Variants in NAPSA observed in about 807,000 individuals in gnomAD.
NAPSA encodes the protein napsin A aspartic peptidase, also known as napsin-A.
NAPSA carries 37 observed loss-of-function variants against 36.7 expected under a neutral mutation model. The observed-to-expected ratio is 1.01, with a 90% CI of 0.78 to 1.33. NAPSA has a LOEUF of 1.33. Ranked by LOEUF, NAPSA falls within the 40% of genes most tolerant of loss-of-function variation. The probability of loss-of-function intolerance (pLI) is 0.00; values close to 1 mark genes in which losing one functional copy is unlikely to be tolerated. For missense variants in NAPSA, 532 were observed against 543.8 expected (o/e 0.98, Z 0.21); for synonymous variants, 222 against 234.5 (o/e 0.95, Z 0.49).
At chr19:50,362,564 G>C in intron 1 of NAPSA, 1 of 344,026 alleles carries the variant, frequency 2.9e-6, no homozygotes, top group Non-Finnish European at 5.2e-6. Context: ...CTTAAAATAA[G>C]CTATTCCCAA....
chr19:50,361,526 G>A (rs765201676), intron 4 of NAPSA, 137 bp downstream of exon 4: 2 of 764,278 alleles, frequency 2.6e-6, no homozygotes, highest in Non-Finnish European at 4.5e-6. Flanking sequence ...ACTCTGAAAG[G>A]CAGGCCCTCC....
chr19:50,361,168 T>A, intron 4 of NAPSA, 28 bp from the exon 5 acceptor site: 6 of 1,594,956 alleles, frequency 3.8e-6, no homozygotes, highest in Non-Finnish European at 5.2e-6. Context: ...TGTGACCAGT[T>A]ACTTTTGGGA....
chr19:50,359,725 G>A lies in NAPSA; in HGVS notation c.791+15C>T. On this transcript the variant is annotated intron_variant, in intron 6 of 8. Coordinates refer to ENST00000253719, the MANE Select transcript of NAPSA (RefSeq NM_004851.3). ...CCAGCCTCCAGCTCCAGAGCCAGGA[G>A]ACCAAGTCCCTCACCGCTCCATGTG... The A allele has an allele frequency of 6.2e-7, 1 of 1,614,242 alleles. No homozygotes were observed. The highest frequency in any genetic ancestry group is 8.5e-7 in the Non-Finnish European group (1 of 1,180,050).
At chr19:50,362,114 A>C in intron 2 of NAPSA, 22 bp from the exon 3 acceptor site, 4 of 1,613,802 alleles carry the variant, frequency 2.5e-6, no homozygotes, top group Non-Finnish European at 3.4e-6. Context: ...AGAGGAGAGT[A>C]AACGAAGAGT....
rs536389281 is a variant in NAPSA, at chr19:50,359,588, G to T, written c.851C>A (p.Thr284Lys). 2.6e-5 allele frequency: 42 copies of T among 1,614,096 alleles called. No homozygotes were observed. Among genetic ancestry groups the T allele is most frequent in the African/African-American group, 1.3e-5 (1 of 74,938 alleles). Residue 284 changes from threonine (T) to lysine (K), a missense_variant, in exon 7 of 9, where the codon ACG (threonine) becomes AAG (lysine). Thr to Lys is a moderately conservative substitution (Grantham distance 78, BLOSUM62 -1). Coordinates refer to ENST00000253719, the MANE Select transcript of NAPSA (RefSeq NM_004851.3). ...CAKGCAAILD[T>K]GTSLITGPTE... Reference sequence around the variant, plus strand: ...GGGTCCTGTGATGAGGGACGTGCCCGTATCCAGGATGGCAGCACAGCCCTT... The same window carrying T: ...GGGTCCTGTGATGAGGGACGTGCCCTTATCCAGGATGGCAGCACAGCCCTT...
Position 50,358,989 on chromosome 19 carries a change from CGT to C in NAPSA, c.1035+20_1035+21del, listed in dbSNP as rs1461039519. On this transcript the variant is annotated intron_variant, in intron 8 of 8. Coordinates refer to ENST00000253719, the MANE Select transcript of NAPSA (RefSeq NM_004851.3). ...AAACCGTCATATGACGTCACTATGG[CGT>C]CATGGTGATGGCCACCTACCTGGAT... The C allele has an allele frequency of 1.3e-6, 2 of 1,589,900 alleles. No homozygotes were observed. The highest frequency in any genetic ancestry group is 1.7e-6 in the Non-Finnish European group (2 of 1,158,572).
In NAPSA at chr19:50,361,041, C is replaced by T. The variant is rs1198090350; in HGVS notation, c.568G>A (p.Gly190Ser). ...CCTTCCACAGACAGAATGGGAAAAC[C>T]GAGGCCCAATATCCCATCAAAATGG... ...FAHFDGILGL[G>S]FPILSVEGVR... Residue 190 changes from glycine to serine, a missense_variant, in exon 5 of 9, where the codon GGT (glycine) becomes AGT (serine). Gly to Ser is a moderately conservative substitution (Grantham distance 56, BLOSUM62 0). This residue lies in a region of NAPSA where 385 missense variants were observed against 371.5 expected (regional missense o/e 1.04). Coordinates refer to ENST00000253719, the MANE Select transcript of NAPSA (RefSeq NM_004851.3). 6.2e-6 allele frequency: 10 copies of T among 1,614,102 alleles called. No homozygotes were observed. Among genetic ancestry groups the T allele is most frequent in the East Asian group, 2.2e-5 (1 of 44,870 alleles).
Position 50,358,616 on chromosome 19 carries a change from G to A in NAPSA, c.1200C>T (p.Arg400=). 1.2e-6 allele frequency: 2 copies of A among 1,612,374 alleles called. No homozygotes were observed. The highest frequency in any genetic ancestry group is 1.1e-5 in the South Asian group (1 of 91,008). Residue 400 remains arginine (R), a synonymous_variant, in exon 9 of 9, where the codon CGC becomes CGT. Coordinates refer to ENST00000253719, the MANE Select transcript of NAPSA (RefSeq NM_004851.3). ...CGAGGTCCGCTCCGCGAGTGCGAGC[G>A]CGCGCCAGGCCCACCCGGGCGCTGC... The part of the protein sequence containing the change: ...MKSSARVGLA[R]ARTRGADLGW...
chr19:50,364,374 G>A (rs1601128321), intron 1 of NAPSA, among the ~76,000 whole-genome samples: 1 of 150,032 alleles, frequency 6.7e-6, no homozygotes, highest in East Asian at 2.0e-4. Context: ...CCAGCACTTT[G>A]CGAGGCTGAG....
Position 50,359,085 on chromosome 19 carries a change from G to A in NAPSA, c.961C>T (p.Pro321Ser), listed in dbSNP as rs2037436049. 1 of 1,613,948 alleles carries A rather than the reference G, an allele frequency of 6.2e-7. No homozygotes were observed. The highest frequency in any genetic ancestry group is 1.3e-5 in the African/African-American group (1 of 75,006). The change falls in exon 8 of 9, where the codon CCA (proline) becomes TCA (serine). Residue 321 changes from proline to serine, a missense_variant. Pro to Ser is a moderately conservative substitution (Grantham distance 74, BLOSUM62 -1). Transcript: ENST00000253719. ...AGGAAGGAGACTGCGGGGAGCTTTG[G>A]GATTTCCGAGCACAGGATGATGTAC... Reference protein sequence around the residue: ...GEYIILCSEIPKLPAVSFLLG... With the variant: ...GEYIILCSEISKLPAVSFLLG...
rs1216099965 is a variant in NAPSA, at chr19:50,358,516, C to T, written c.*37G>A. 4.0e-6 allele frequency: 6 copies of T among 1,513,900 alleles called. No individual in the cohort carries two copies. Among genetic ancestry groups the T allele is most frequent in the Non-Finnish European group, 4.4e-6 (5 of 1,125,972 alleles). The allele number at this position is 1,513,900 out of a possible 1,614,324, so 93.8% of individuals were successfully genotyped here. ...GGATTTTTACTGGGTAGCAGGACCTCCGCGACCACCCGCTGCGCATGCGCT... is the reference window on the plus strand; with the variant it reads ...GGATTTTTACTGGGTAGCAGGACCTTCGCGACCACCCGCTGCGCATGCGCT... On this transcript the variant is annotated 3_prime_UTR_variant, in exon 9 of 9. Coordinates refer to ENST00000253719, the MANE Select transcript of NAPSA (RefSeq NM_004851.3).
chr19:50,366,259 C>G (rs1289157936), upstream of NAPSA, among the ~76,000 whole-genome samples: 1 of 151,638 alleles, frequency 6.6e-6, no homozygotes, highest in Non-Finnish European at 1.5e-5. Flanking sequence ...CGCAACCACG[C>G]CCCACTAATT....
intron 5 of NAPSA, 116 bp from the exon 6 acceptor site, chr19:50,359,978 G>A: frequency 7.2e-7 from 1 of 1,387,662 alleles, no homozygotes. Context: ...AGTTCCTACG[G>A]GGTAATGGGA....
intron 2 of NAPSA, 25 bp downstream of exon 2, chr19:50,362,147 A>G (rs758945721): frequency 4.3e-6 from 7 of 1,612,864 alleles, no homozygotes; most frequent in Admixed American, 3.3e-5. Flanking sequence ...CGCAGGGGTG[A>G]GGGCTGTGTG....
chr19:50,359,123 G>A lies in NAPSA; in HGVS notation c.937-14C>T. On this transcript the variant is annotated splice_polypyrimidine_tract_variant and intron_variant, in intron 7 of 8. Coordinates refer to ENST00000253719, the MANE Select transcript of NAPSA (RefSeq NM_004851.3). ...CAGGATGATGTACTGGGGGAGAAGA[G>A]GAACTAGTGAAGATGAGAGATTCCT... 1 of 1,599,692 alleles carries A rather than the reference G, an allele frequency of 6.3e-7. No homozygotes were observed. The highest frequency in any genetic ancestry group is 1.1e-5 in the South Asian group (1 of 90,766).
chr19:50,361,302 C>T (rs2037469335), intron 4 of NAPSA, 162 bp from the exon 5 acceptor site: 1 of 628,754 alleles, frequency 1.6e-6, no homozygotes, highest in Non-Finnish European at 2.8e-6. Context: ...ACCCCTTCAC[C>T]CAGGAACCCC....
intron 8 of NAPSA, 103 bp downstream of exon 8, chr19:50,358,905 AAAG>A (rs1479834452): frequency 2.2e-6 from 3 of 1,345,130 alleles, no homozygotes; most frequent in Non-Finnish European, 3.1e-6. Context: ...ATCACAGGGA[AAAG>A]AAATGTTTCT....
intron 4 of NAPSA, 125 bp from the exon 5 acceptor site, chr19:50,361,265 A>G (rs2037468806): frequency 1.3e-6 from 1 of 777,450 alleles, no homozygotes; most frequent in Admixed American, 2.3e-5. Context: ...CCAACTTCCT[A>G]GGAAACTATG....
upstream of NAPSA, among the ~76,000 whole-genome samples, chr19:50,367,562 CTCTCTCTCTCTCTCTCTCTGTCTCTG>C (rs1315540950): frequency 5.3e-4 from 75 of 141,314 alleles, 2 homozygotes; most frequent in South Asian, 0.016. Context: ...CTCTCTCTCT[CTCTCTCTCTCTCTCTCTCTGTCTCTG>C]TCTCTCTCTC....
Sources: gnomAD v4.1 joint callset for allele counts (sites outside exome capture counted in the v4.1 genomes callset) on GRCh38, gnomAD v4.1.1 for gene constraint, gnomAD v4.1.1 regional missense constraint, MANE v1.5 for transcripts, NCBI Gene and HGNC (gene_info 2026-07-23, HGNC 2026-07-21) for gene names.